The following SEC14L3 variants were observed in gnomAD, a reference collection of about 807,000 sequenced individuals.
SEC14L3 encodes the protein SEC14 like lipid binding 3, also known as SEC14-like protein 3.
SEC14L3 carries 56 observed loss-of-function variants against 57.4 expected under a neutral mutation model. That is an observed-to-expected ratio of 0.97 (90% CI 0.79 to 1.22). The LOEUF (loss-of-function observed/expected upper bound fraction) is 1.22. SEC14L3 is among the 50% of genes most tolerant of loss of function. SEC14L3 has a pLI of 0.00. For synonymous variants in SEC14L3, 173 were observed against 194.4 expected (o/e 0.89, Z 0.92); for missense variants, 485 against 511.7 (o/e 0.95, Z 0.50).
chr22:30,463,175 A>T (rs1482317767), intron 8 of SEC14L3, among the ~76,000 whole-genome samples: 2 of 152,106 alleles, frequency 1.3e-5, no homozygotes, highest in Non-Finnish European at 2.9e-5. Context: ...CCCAAGTCAG[A>T]CCTCCTAGTG....
intron 11 of SEC14L3, 147 bp downstream of exon 11, chr22:30,461,163 G>A: frequency 1.0e-6 from 1 of 964,330 alleles, no homozygotes; most frequent in South Asian, 1.9e-5. Flanking sequence ...TGGACTGAGT[G>A]AGTGACTGTA....
At chr22:30,449,842 G>A (rs1044728183) in intron 12 of SEC14L3, among the ~76,000 whole-genome samples, 1 of 152,128 alleles carries the variant, frequency 6.6e-6, no homozygotes, top group Non-Finnish European at 1.5e-5. Flanking sequence ...TGGGATTACA[G>A]ATGTGAGCCA....
exon 13 of SEC14L3, chr22:30,449,134 G>T: frequency 1.3e-6 from 2 of 1,550,524 alleles, no homozygotes; most frequent in East Asian, 2.4e-5. Context: ...TTGCATTTTC[G>T]TACCATTTGG....
At chr22:30,455,096 T>A (rs1294068146), downstream of SEC14L3, among the ~76,000 whole-genome samples, 12 of 41,266 alleles carry the variant, frequency 2.9e-4, no homozygotes, top group African/African-American at 1.7e-3. Context: ...ATTTAATATA[T>A]AATATATTTA....
At chr22:30,461,269 T>A (rs769266455) in intron 11 of SEC14L3, 41 bp downstream of exon 11, 2 of 1,543,812 alleles carry the variant, frequency 1.3e-6, no homozygotes, top group African/African-American at 2.8e-5. Context: ...GACAGGTGGC[T>A]CTAGCCTTTC....
chr22:30,468,413 T>G, intron 5 of SEC14L3, 95 bp downstream of exon 5: 3 of 876,152 alleles, frequency 3.4e-6, no homozygotes, highest in Non-Finnish European at 5.4e-6. Context: ...GCCCTCTGAC[T>G]GTGGTTGTAG....
At chr22:30,465,271 A>C (rs1363943963) in intron 7 of SEC14L3, among the ~76,000 whole-genome samples, 2 of 152,224 alleles carry the variant, frequency 1.3e-5, no homozygotes, top group East Asian at 3.8e-4. Flanking sequence ...TTTAACTTCT[A>C]ACCAGCCAAC....
intron 11 of SEC14L3, among the ~76,000 whole-genome samples, chr22:30,460,957 C>T (rs908653978): frequency 1.3e-4 from 20 of 152,252 alleles, no homozygotes; most frequent in Middle Eastern, 3.4e-3. Flanking sequence ...CCCTGAGGCT[C>T]GGGTGGGACC....
downstream of SEC14L3, among the ~76,000 whole-genome samples, chr22:30,454,321 G>C (rs1935039638): frequency 6.6e-6 from 1 of 151,778 alleles, no homozygotes; most frequent in South Asian, 2.1e-4. Context: ...CTGCCAGCTG[G>C]GAGGCCCACA....
In SEC14L3 at chr22:30,464,869, C is replaced by G; in HGVS notation, c.615G>C (p.Met205Ile). 1 of 1,614,108 alleles carries G rather than the reference C, an allele frequency of 6.2e-7. No homozygotes were observed. The highest frequency in any genetic ancestry group is 8.5e-7 in the Non-Finnish European group (1 of 1,179,986). The change falls in exon 8 of 12, where the codon ATG (methionine) becomes ATC (isoleucine). Residue 205 changes from methionine to isoleucine, a missense_variant. By Grantham distance (10) the Met-to-Ile change is conservative (BLOSUM62 1). Transcript: ENST00000215812. Reference protein sequence around the residue: ...TKLFPVGYNLMKPFLSEDTRR... With the variant: ...TKLFPVGYNLIKPFLSEDTRR... The stretch of plus-strand genomic sequence containing the variant: ...GAGTGTCCTCACTCAGGAATGGCTT[C>G]ATGAGGTTGTAGCCCACAGGGAACA...
At position 30,470,601 on chromosome 22, in the gene SEC14L3, G is replaced by C. The variant is rs1170334992; in HGVS notation, c.55-19C>G. The C allele has an allele frequency of 6.2e-6, 10 of 1,614,166 alleles. No individual in the cohort carries two copies. Among genetic ancestry groups the C allele is most frequent in the Non-Finnish European group, 8.5e-6 (10 of 1,180,018 alleles). ...CTCGGAACTGGCAAGAGAGATGCTG[G>C]TTAAAGTGGCTCTCTCACATTGAGC... On this transcript the variant is annotated intron_variant, in intron 1 of 11. Transcript: ENST00000215812.
Position 30,468,507 on chromosome 22 carries a change from C to T in SEC14L3, c.423+1G>A, listed in dbSNP as rs200890756. On this transcript the variant is annotated splice_donor_variant, in intron 5 of 11. Coordinates refer to ENST00000215812, the MANE Select transcript of SEC14L3 (RefSeq NM_174975.5). LOFTEE classifies it high-confidence loss of function. ...TCCACCCCACCTGGCCTGGACCTCA[C>T]CCTCTCTGTCTGCAGGTCACACTCA... is the stretch of plus-strand genomic sequence containing the variant. 6 of 1,608,854 alleles carry T rather than the reference C, an allele frequency of 3.7e-6. No homozygotes were observed. The highest frequency in any genetic ancestry group is 3.3e-5 in the Admixed American group (2 of 59,880).
At chr22:30,455,110 T>TATA (rs1935090079), downstream of SEC14L3, among the ~76,000 whole-genome samples, 1 of 55,658 alleles carries the variant, frequency 1.8e-5, no homozygotes, top group Non-Finnish European at 2.9e-5. Context: ...ATATTTAATA[T>TATA]TTAATATTTA....
chr22:30,462,068 G>C lies in SEC14L3; in HGVS notation c.771+18C>G. The C allele has an allele frequency of 1.2e-6, 2 of 1,612,758 alleles. No homozygotes were observed. The highest frequency in any genetic ancestry group is 1.7e-6 in the Non-Finnish European group (2 of 1,179,146). ...TAATTCTTGAACCTCTCTTGTCCCA[G>C]GGAAGGGCTCTTTGTACCTTGGTTA... On this transcript the variant is annotated intron_variant, in intron 9 of 11. Transcript: ENST00000215812.
downstream of SEC14L3, among the ~76,000 whole-genome samples, chr22:30,456,376 G>A (rs1279053302): frequency 6.6e-6 from 1 of 151,676 alleles, no homozygotes; most frequent in Non-Finnish European, 1.5e-5. Context: ...AAAGAAAAGA[G>A]GTTTACTTGG....
rs1376295450 is a variant in SEC14L3 at position 30,459,887 on chromosome 22, A to C, written c.*134T>G. 7.0e-6 allele frequency: 10 copies of C among 1,425,966 alleles called. No homozygotes were observed. Among genetic ancestry groups the C allele is most frequent in the Non-Finnish European group, 9.2e-6 (10 of 1,084,770 alleles). The allele number at this position is 1,425,966 out of a possible 1,614,324, so 88.3% of individuals were successfully genotyped here. The stretch of plus-strand genomic sequence containing the variant: ...TGACCACAGTAGATGAGTTTTCCCC[A>C]GGGCATCTCTTTCTGTACTCACTAA... On this transcript the variant is annotated 3_prime_UTR_variant, in exon 12 of 12. Coordinates refer to ENST00000215812, the MANE Select transcript of SEC14L3 (RefSeq NM_174975.5).
intron 6 of SEC14L3, among the ~76,000 whole-genome samples, chr22:30,466,692 C>A (rs1167796968): frequency 1.0e-5 from 1 of 97,018 alleles, no homozygotes; most frequent in Non-Finnish European, 1.9e-5. Context: ...CTTTACATAA[C>A]AACTTGCTGA....
chr22:30,449,737 G>A lies in SEC14L3; in HGVS notation c.905-493C>T, dbSNP rs182138963. Reference sequence around the variant, plus strand: ...GCACCACCATGCCCAACTAATTTTTGTATTTTTAGTAGAGATGGGGTTTCA... The same window carrying A: ...GCACCACCATGCCCAACTAATTTTTATATTTTTAGTAGAGATGGGGTTTCA... On this transcript the variant is annotated intron_variant, in intron 12 of 12. Coordinates refer to the SEC14L3 transcript ENST00000403066. Among the ~76,000 whole-genome samples the A allele has an allele frequency of 2.4e-3, 371 of 151,956 alleles. 1 individual carries two copies. The highest frequency in any genetic ancestry group is 3.8e-3 in the Non-Finnish European group (259 of 67,912).
downstream of SEC14L3, among the ~76,000 whole-genome samples, chr22:30,454,624 T>TATA (rs544404665): frequency 2.2e-4 from 24 of 111,432 alleles, no homozygotes; most frequent in Admixed American, 5.0e-4. Flanking sequence ...AGATATAATC[T>TATA]ATAATATTAT....
Sources: gnomAD v4.1 joint callset for allele counts (sites outside exome capture counted in the v4.1 genomes callset) on GRCh38, gnomAD v4.1.1 for gene constraint, MANE v1.5 for transcripts, NCBI Gene and HGNC (gene_info 2026-07-23, HGNC 2026-07-21) for gene names.